Variants in KDM6A observed in about 807,000 individuals in gnomAD.
The protein encoded by KDM6A is lysine demethylase 6A.
A neutral mutation model predicts 117.6 loss-of-function variants in KDM6A; 11 were observed. The ratio of observed to expected loss-of-function variants is 0.09; its 90% CI spans 0.06 to 0.15. The LOEUF (loss-of-function observed/expected upper bound fraction) is 0.15. Among genes scored for constraint, KDM6A ranks in the 10% least tolerant of loss-of-function variants. The pLI, the probability that KDM6A is intolerant of heterozygous loss-of-function variation, is 1.00. For missense variants in KDM6A, 799 were observed against 1,077.3 expected, an observed-to-expected ratio of 0.74 and a Z score of 3.62; for synonymous variants, 384 against 396.1, an observed-to-expected ratio of 0.97 and a Z score of 0.36.
At chrX:45,025,301 T>C (rs1352389019) in intron 6 of KDM6A, among the ~76,000 whole-genome samples, 1 of 111,605 alleles carries the variant, frequency 9.0e-6, no homozygotes, top group Admixed American at 9.5e-5. Context: ...TAGCTGGGAC[T>C]ACCGGCATGT....
intron 2 of KDM6A, among the ~76,000 whole-genome samples, chrX:44,932,596 A>G (rs897593542): frequency 9.0e-6 from 1 of 111,146 alleles, no homozygotes; most frequent in East Asian, 2.8e-4. Context: ...AGGTCTCTTG[A>G]TTTTTCACTT....
chrX:45,107,539 A>G lies in KDM6A; in HGVS notation c.4161+3A>G, dbSNP rs754210613. Reference sequence around the variant, plus strand: ...CTCATTACTGTAGCATTTGTGAAGTAAGTAATTGTTTTTATCCACAGTTGT... The same window carrying G: ...CTCATTACTGTAGCATTTGTGAAGTGAGTAATTGTTTTTATCCACAGTTGT... On this transcript the variant is annotated splice_donor_region_variant and intron_variant, in intron 28 of 29. Transcript: ENST00000611820. 1 of 1,201,378 alleles carries G rather than the reference A, an allele frequency of 8.3e-7. No individual in the cohort carries two copies. Among genetic ancestry groups the G allele is most frequent in the Non-Finnish European group, 1.1e-6 (1 of 892,381 alleles).
At position 45,047,674 on chromosome X, in the gene KDM6A, C is replaced by CTTTTTTTTTTTTTTTTTTTTTTTTTTTTT. The variant is rs78749806; in HGVS notation, c.655-4034_655-4006dup. Among the ~76,000 whole-genome samples the CTTTTTTTTTTTTTTTTTTTTTTTTTTTTT allele has an allele frequency of 1.4e-4, 5 of 36,360 alleles. 2 individuals are homozygous for CTTTTTTTTTTTTTTTTTTTTTTTTTTTTT. Among genetic ancestry groups the CTTTTTTTTTTTTTTTTTTTTTTTTTTTTT allele is most frequent in the Non-Finnish European group, 2.0e-4 (4 of 19,607 alleles). The allele number at this position is 36,360 out of a possible 115,157, so 31.6% of individuals were successfully genotyped here. A position where few individuals can be genotyped will look rare whatever the true frequency, so the allele number is the denominator to read the frequency against. On this transcript the variant is annotated intron_variant, in intron 8 of 29. Coordinates refer to ENST00000611820, the MANE Select transcript of KDM6A (RefSeq NM_001291415.2). ...TCAAATATCTGCTTGCTTTTTTTTT[C>CTTTTTTTTTTTTTTTTTTTTTTTTTTTTT]TTTTTTTTTTTTTTTTTTTTTTTTT...
chrX:44,993,828 C>T (rs771337257), intron 4 of KDM6A, among the ~76,000 whole-genome samples: 49 of 111,174 alleles, frequency 4.4e-4, no homozygotes, highest in Middle Eastern at 4.6e-3. Context: ...ATCACGCCAC[C>T]GCACTCCAGC....
intron 19 of KDM6A, among the ~76,000 whole-genome samples, chrX:45,078,182 T>G (rs186600191): frequency 8.9e-6 from 1 of 112,279 alleles, no homozygotes; most frequent in African/African-American, 3.2e-5. Context: ...CTCCTACATA[T>G]TTTTGTCATG....
intron 2 of KDM6A, among the ~76,000 whole-genome samples, chrX:44,919,472 T>C (rs1407266652): frequency 3.6e-5 from 4 of 110,721 alleles, no homozygotes; most frequent in African/African-American, 1.3e-4. Flanking sequence ...CAGTTTCATG[T>C]CATCAAAAAT....
At chrX:44,983,039 A>T (rs910511430) in intron 4 of KDM6A, among the ~76,000 whole-genome samples, 1 of 112,234 alleles carries the variant, frequency 8.9e-6, no homozygotes, top group Non-Finnish European at 1.9e-5. Context: ...AATTTTTTTT[A>T]AAAGCCTAAC....
At chrX:45,045,588 G>GAAAAA (rs569636939) in intron 8 of KDM6A, among the ~76,000 whole-genome samples, 1 of 35,666 alleles carries the variant, frequency 2.8e-5, no homozygotes, top group Non-Finnish European at 5.8e-5. Flanking sequence ...TCTGTCTCAA[G>GAAAAA]AAAAAAAAAA....
intron 27 of KDM6A, among the ~76,000 whole-genome samples, chrX:45,098,240 T>C (rs1304247547): frequency 8.9e-6 from 1 of 112,504 alleles, no homozygotes; most frequent in Non-Finnish European, 1.9e-5. Flanking sequence ...GAGAAGTCTT[T>C]ATCATTTTTA....
At position 44,973,606 on chromosome X, in the gene KDM6A, ACCC is replaced by A. The variant is rs1478243179; in HGVS notation, c.335-1059_335-1057del. On this transcript the variant is annotated intron_variant, in intron 3 of 29. Coordinates refer to ENST00000611820, the MANE Select transcript of KDM6A (RefSeq NM_001291415.2). ...TCTAGAATTACATATCTGTTGTAGG[ACCC>A]TTCAAACTACCAAGTCATAGCCTTC... is the stretch of plus-strand genomic sequence containing the variant. 5.3e-3 allele frequency among the ~76,000 whole-genome samples: 584 copies of A among 111,035 alleles called. 9 individuals are homozygous for A. The highest frequency in any genetic ancestry group is 0.016 in the African/African-American group (486 of 30,426).
chrX:44,988,144 T>C (rs963773693), intron 4 of KDM6A, among the ~76,000 whole-genome samples: 10 of 111,917 alleles, frequency 8.9e-5, no homozygotes, highest in African/African-American at 3.2e-4. Context: ...TCTTCTCACT[T>C]CATTTCATTC....
intron 8 of KDM6A, among the ~76,000 whole-genome samples, chrX:45,046,012 CAA>C (rs2043521251): frequency 1.8e-5 from 2 of 111,260 alleles, no homozygotes; most frequent in African/African-American, 6.5e-5. Context: ...ATAAGAGAGT[CAA>C]TATACAGACT....
At chrX:45,105,854 T>G (rs2046509542) in intron 27 of KDM6A, among the ~76,000 whole-genome samples, 1 of 112,144 alleles carries the variant, frequency 8.9e-6, no homozygotes, top group Non-Finnish European at 1.9e-5. Context: ...CTGCTTGAGC[T>G]CCAGCTCCTT....
At position 45,031,256 on chromosome X, in the gene KDM6A, A is replaced by C. The variant is rs761724899; in HGVS notation, c.565-3675A>C. Among the ~76,000 whole-genome samples, 33 of 111,756 alleles carry C rather than the reference A, an allele frequency of 3.0e-4. No individual in the cohort carries two copies. The Admixed American group carries it at 3.0e-3, about 10-fold the overall frequency. On this transcript the variant is annotated intron_variant, in intron 6 of 29. Coordinates refer to ENST00000611820, the MANE Select transcript of KDM6A (RefSeq NM_001291415.2). ...CCTGTGTATTCTCAGAGCAGGTTAA[A>C]ATTTTAAAAATCCTATTAAGGCATT...
intron 5 of KDM6A, among the ~76,000 whole-genome samples, chrX:45,016,290 T>C (rs1425987534): frequency 9.0e-6 from 1 of 111,560 alleles, no homozygotes; most frequent in Non-Finnish European, 1.9e-5. Context: ...TATGTATATC[T>C]GTGTTGTGTA....
At position 45,060,242 on chromosome X, in the gene KDM6A, C is replaced by T. The variant is rs955214539; in HGVS notation, c.1329+86C>T. On this transcript the variant is annotated intron_variant, in intron 13 of 29. Coordinates refer to ENST00000611820, the MANE Select transcript of KDM6A (RefSeq NM_001291415.2). ...GTGGTCAAGCTTAATTTACTAAGCA[C>T]AGGAGGCTTTTAGTAATGAAAAGCC... 18 of 1,166,923 alleles carry T rather than the reference C, an allele frequency of 1.5e-5. No individual in the cohort carries two copies. In the African/African-American group the frequency reaches 3.0e-4, roughly 20 times the overall value.
At chrX:44,955,023 TAAAG>T (rs1283999342) in intron 2 of KDM6A, among the ~76,000 whole-genome samples, 4 of 111,655 alleles carry the variant, frequency 3.6e-5, no homozygotes, top group East Asian at 2.8e-4. Context: ...AAAGGAAAGT[TAAAG>T]AGAGAATTTT....
intron 2 of KDM6A, among the ~76,000 whole-genome samples, chrX:44,889,673 G>A (rs184608749): frequency 9.0e-6 from 1 of 111,636 alleles, no homozygotes; most frequent in African/African-American, 3.3e-5. Context: ...ATGAAAAGAG[G>A]TGAGTCCTAT....
At chrX:44,958,425 G>A (rs927769357) in intron 2 of KDM6A, among the ~76,000 whole-genome samples, 56 of 109,226 alleles carry the variant, frequency 5.1e-4, no homozygotes, top group African/African-American at 1.8e-3. Flanking sequence ...CTTGTGATCC[G>A]CCTGCCTCAG....
Sources: allele counts gnomAD v4.1 joint callset (sites outside exome capture counted in the v4.1 genomes callset), GRCh38; gene constraint gnomAD v4.1.1; transcripts MANE v1.5; gene names NCBI Gene and HGNC (gene_info 2026-07-23, HGNC 2026-07-21).